Variants in BMP6 observed in about 807,000 individuals in gnomAD.
BMP6 encodes the protein VG-1-R.
Under a neutral mutation model 54.1 loss-of-function variants are expected in BMP6, and 17 were observed. That is an observed-to-expected ratio of 0.31 (90% CI 0.22 to 0.47). BMP6 has a LOEUF of 0.47. Ranked by LOEUF, BMP6 falls within the 20% of genes least tolerant of loss-of-function variation. The pLI, the probability that BMP6 is intolerant of heterozygous loss-of-function variation, is 1.00. For missense variants in BMP6, 720 were observed against 690.4 expected (o/e 1.04, Z -0.48); for synonymous variants, 328 against 291.2 (o/e 1.13, Z -1.28).
chr6:7,761,918 G>A (rs192368299), intron 1 of BMP6, among the ~76,000 whole-genome samples: 1 of 152,062 alleles, frequency 6.6e-6, no homozygotes, highest in African/African-American at 2.4e-5. Flanking sequence ...CTTTTTTTGA[G>A]ACGGAGTCTG....
rs70982115 is a variant in BMP6 at position 7,856,595 on chromosome 6, A to ATTTTTT, written c.858-4842_858-4837dup. 5.8e-4 allele frequency among the ~76,000 whole-genome samples: 48 copies of ATTTTTT among 83,048 alleles called. 6 individuals are homozygous for ATTTTTT. The East Asian group carries it at 7.2e-3, about 13-fold the overall frequency. 54.5% of individuals were successfully genotyped at this position (83,048 alleles called of 152,430 possible). A position where few individuals can be genotyped will look rare whatever the true frequency, so the allele number is the denominator to read the frequency against. ...ATATAAATGCCAGTTTATCAAGAGC[A>ATTTTTT]TTTTTTTTTTTTTTTTTTTGAGACG... is the stretch of plus-strand genomic sequence containing the variant. On this transcript the variant is annotated intron_variant, in intron 2 of 6. Coordinates refer to ENST00000283147, the MANE Select transcript of BMP6 (RefSeq NM_001718.6).
At chr6:7,836,537 A>G (rs899682010) in intron 1 of BMP6, among the ~76,000 whole-genome samples, 3 of 152,182 alleles carry the variant, frequency 2.0e-5, no homozygotes, top group Admixed American at 6.5e-5. Flanking sequence ...CTTGTACTTC[A>G]GTTATGTAAA....
At chr6:7,855,149 G>A (rs975079044) in intron 2 of BMP6, among the ~76,000 whole-genome samples, 2 of 152,188 alleles carry the variant, frequency 1.3e-5, no homozygotes, top group Admixed American at 1.3e-4. Context: ...TTTAGGGAGA[G>A]GAGCAAGAAA....
At position 7,880,409 on chromosome 6, in the gene BMP6, AAC is replaced by A. The variant is rs1759697438; in HGVS notation, c.*69_*70del. On this transcript the variant is annotated 3_prime_UTR_variant, in exon 7 of 7. Transcript: ENST00000283147. The stretch of plus-strand genomic sequence containing the variant: ...TCCTAGATTACATCTGCCTTAAAAA[AAC>A]ACGGAAGCACAGTTGGAGGTGGGAC... 3 of 1,594,950 alleles carry A rather than the reference AAC, an allele frequency of 1.9e-6. No homozygotes were observed. Among genetic ancestry groups the A allele is most frequent in the Admixed American group, 1.7e-5 (1 of 59,488 alleles).
rs1761739331 is a variant in BMP6, at chr6:7,727,055, G to A, written c.100G>A (p.Ala34Thr). 1.7e-6 allele frequency: 2 copies of A among 1,187,400 alleles called. No homozygotes were observed. Among genetic ancestry groups the A allele is most frequent in the Non-Finnish European group, 2.1e-6 (2 of 961,440 alleles). 73.6% of individuals were successfully genotyped at this position (1,187,400 alleles called of 1,614,324 possible). A position where few individuals can be genotyped will look rare whatever the true frequency, so the allele number is the denominator to read the frequency against. The change falls in exon 1 of 7, where the codon GCC (alanine) becomes ACC (threonine). Residue 34 changes from alanine (A) to threonine (T), a missense_variant. This residue lies in a region of BMP6 where 650 missense variants were observed against 556.3 expected (regional missense o/e 1.17). Transcript: ENST00000283147. ...PPPLRPPLPA[A>T]AAAAAGGQLL... is the part of the protein sequence containing the mutation. ...GCCGCTGCGGCCGCCCTTGCCCGCT[G>A]CCGCGGCCGCCGCCGCCGGGGGGCA...
chr6:7,790,514 C>CA (rs35572440), intron 1 of BMP6, among the ~76,000 whole-genome samples: 5,228 of 73,276 alleles, frequency 0.071, 715 homozygotes, highest in Non-Finnish European at 0.078. Context: ...GACCCTGTCT[C>CA]AAAAAAAAAA....
intron 1 of BMP6, among the ~76,000 whole-genome samples, chr6:7,808,777 G>A (rs1475643387): frequency 1.3e-5 from 2 of 151,826 alleles, no homozygotes; most frequent in Non-Finnish European, 2.9e-5. Flanking sequence ...TAGCCAGTGT[G>A]GTGGCATGCT....
intron 1 of BMP6, among the ~76,000 whole-genome samples, chr6:7,813,108 A>AAAAAAAAAATATATATATAT (rs1554122651): frequency 4.7e-5 from 1 of 21,482 alleles, no homozygotes; most frequent in Non-Finnish European, 7.6e-5. Flanking sequence ...AAAAAAAAAA[A>AAAAAAAAAATATATATATAT]ATATATATAT....
At chr6:7,838,423 C>T (rs1010581341) in intron 1 of BMP6, among the ~76,000 whole-genome samples, 3 of 152,054 alleles carry the variant, frequency 2.0e-5, no homozygotes, top group African/African-American at 4.8e-5. Flanking sequence ...ATGAGAACAT[C>T]GCCAGTCTCA....
chr6:7,734,212 T>A (rs2113107049), intron 1 of BMP6, among the ~76,000 whole-genome samples: 1 of 152,212 alleles, frequency 6.6e-6, no homozygotes, highest in Non-Finnish European at 1.5e-5. Flanking sequence ...AGAAAACCCA[T>A]TTGGGGTTTA....
chr6:7,797,040 C>T (rs1316854715), intron 1 of BMP6, among the ~76,000 whole-genome samples: 3 of 152,162 alleles, frequency 2.0e-5, no homozygotes, highest in African/African-American at 7.2e-5. Context: ...ATCTAGATCT[C>T]AGTGTCTCCT....
intron 1 of BMP6, among the ~76,000 whole-genome samples, chr6:7,752,086 T>C (rs1014649064): frequency 3.3e-5 from 5 of 152,218 alleles, no homozygotes; most frequent in South Asian, 2.1e-4. Flanking sequence ...TTAAAACTTA[T>C]TGGTCCTTGG....
chr6:7,860,966 A>C (rs73719348), intron 2 of BMP6, among the ~76,000 whole-genome samples: 1 of 152,260 alleles, frequency 6.6e-6, no homozygotes, highest in African/African-American at 2.4e-5. Flanking sequence ...AGAGCTTATT[A>C]GCCATAAAGT....
chr6:7,820,701 G>C (rs772556920), intron 1 of BMP6, among the ~76,000 whole-genome samples: 3 of 152,128 alleles, frequency 2.0e-5, no homozygotes, highest in African/African-American at 4.8e-5. Context: ...TGAGTTGCTC[G>C]TTCTTCATCT....
intron 1 of BMP6, among the ~76,000 whole-genome samples, chr6:7,751,819 C>T (rs2113129975): frequency 6.6e-6 from 1 of 152,292 alleles, no homozygotes; most frequent in South Asian, 2.1e-4. Context: ...TCAAGTGAGA[C>T]TGTTTTTCAA....
chr6:7,877,804 A>G (rs1250945828), intron 4 of BMP6, among the ~76,000 whole-genome samples: 1 of 152,188 alleles, frequency 6.6e-6, no homozygotes, highest in Non-Finnish European at 1.5e-5. Flanking sequence ...TCTTACACCC[A>G]CTGACATCCC....
intron 1 of BMP6, among the ~76,000 whole-genome samples, chr6:7,779,650 T>G (rs888399928): frequency 6.6e-5 from 10 of 152,206 alleles, no homozygotes; most frequent in African/African-American, 2.4e-4. Context: ...AATAGTGCAC[T>G]TATTAAGAAT....
At chr6:7,747,813 A>ATT (rs1252550367) in intron 1 of BMP6, among the ~76,000 whole-genome samples, 1 of 144,844 alleles carries the variant, frequency 6.9e-6, no homozygotes, top group Admixed American at 6.9e-5. Context: ...TGACTAGCTA[A>ATT]TTTTTTTTTT....
intron 1 of BMP6, among the ~76,000 whole-genome samples, chr6:7,826,587 G>C (rs373935894): frequency 1.3e-5 from 2 of 152,342 alleles, no homozygotes; most frequent in East Asian, 3.9e-4. Flanking sequence ...AATTGCTTTG[G>C]TGGGAGATTT....
Sources: allele counts gnomAD v4.1 joint callset (sites outside exome capture counted in the v4.1 genomes callset), GRCh38; gene constraint gnomAD v4.1.1; regional missense constraint gnomAD v4.1.1; transcripts MANE v1.5; gene names NCBI Gene and HGNC (gene_info 2026-07-23, HGNC 2026-07-21).